ATXN7: variants seen among roughly 807,000 people sequenced by gnomAD.
ATXN7 encodes the protein ataxin 7.
Under a neutral mutation model 70.5 loss-of-function variants are expected in ATXN7, and 12 were observed. The observed-to-expected ratio is 0.17, with a 90% CI of 0.11 to 0.28. ATXN7 has a LOEUF of 0.28. Ranked by LOEUF, ATXN7 falls within the 10% of genes least tolerant of loss-of-function variation. The pLI is 1.00. For synonymous variants in ATXN7, 498 were observed against 448.7 expected (o/e 1.11, Z -1.39); for missense variants, 1,256 against 1,131.7 (o/e 1.11, Z -1.58).
At chr3:63,924,386 G>A (rs566282416) in intron 4 of ATXN7, among the ~76,000 whole-genome samples, 2 of 152,242 alleles carry the variant, frequency 1.3e-5, no homozygotes, top group East Asian at 3.9e-4. Flanking sequence ...GGGTCAGTCT[G>A]TATCCTCAAC....
chr3:63,957,293 C>T (rs1377737154), intron 5 of ATXN7, among the ~76,000 whole-genome samples: 1 of 152,220 alleles, frequency 6.6e-6, no homozygotes, highest in African/African-American at 2.4e-5. Context: ...AAACCCTACT[C>T]AGATGTTGGC....
chr3:63,884,229 ACACACACACACATACTCT>A (rs1559619561), intron 1 of ATXN7, among the ~76,000 whole-genome samples: 1 of 148,262 alleles, frequency 6.7e-6, no homozygotes, highest in African/African-American at 2.5e-5. Flanking sequence ...ACACACACAC[ACACACACACACATACTCT>A]CACACACACA....
At chr3:63,974,551 A>G (rs1388597323) in intron 5 of ATXN7, among the ~76,000 whole-genome samples, 7 of 152,234 alleles carry the variant, frequency 4.6e-5, no homozygotes, top group African/African-American at 1.7e-4. Context: ...TAACCATGTG[A>G]TGTTGGACAA....
chr3:63,885,611 A>G (rs914078764), intron 1 of ATXN7, among the ~76,000 whole-genome samples: 1 of 152,226 alleles, frequency 6.6e-6, no homozygotes, highest in African/African-American at 2.4e-5. Flanking sequence ...TCCAAAGGAA[A>G]TCAGTATGTC....
At chr3:63,946,642 CAAAA>C (rs1201416885) in intron 4 of ATXN7, among the ~76,000 whole-genome samples, 2 of 75,470 alleles carry the variant, frequency 2.7e-5, no homozygotes, top group African/African-American at 4.9e-5. Context: ...GACTCTGTCT[CAAAA>C]AAAAAAAAAA....
chr3:63,880,149 T>C (rs1285195321), intron 1 of ATXN7, among the ~76,000 whole-genome samples: 1 of 152,088 alleles, frequency 6.6e-6, no homozygotes, highest in African/African-American at 2.4e-5. Context: ...TCCATAACTT[T>C]ATTGAGTTTT....
rs2075748830 is a variant in ATXN7, at chr3:63,995,796, C to T, written c.1974C>T (p.Gly658=). ...CCTCATCCCCTTCCACGCCCTCTGG[C>T]CTTTCCTCGGTTCCTTCCTCCCCCA... The part of the protein sequence containing the change: ...SSSSSPSTPS[G]LSSVPSSPMS... The change falls in exon 12 of 13, where the codon GGC becomes GGT. Residue 658 remains glycine, a synonymous_variant. Transcript: ENST00000674280. 1 of 1,614,128 alleles carries T rather than the reference C, an allele frequency of 6.2e-7. No individual in the cohort carries two copies. Among genetic ancestry groups the T allele is most frequent in the African/African-American group, 1.3e-5 (1 of 74,952 alleles).
At chr3:63,944,184 C>G (rs2074819049) in intron 4 of ATXN7, among the ~76,000 whole-genome samples, 1 of 152,144 alleles carries the variant, frequency 6.6e-6, no homozygotes, top group African/African-American at 2.4e-5. Context: ...GGGATACTTT[C>G]CAAGATCCCC....
intron 1 of ATXN7, among the ~76,000 whole-genome samples, 91 bp downstream of exon 1, chr3:63,864,249 G>A (rs1159230502): frequency 4.0e-5 from 6 of 151,394 alleles, no homozygotes; most frequent in Admixed American, 3.3e-4. Context: ...TCCCCGGGAA[G>A]GTGACTGCGG....
Position 63,996,428 on chromosome 3 carries a change from A to T in ATXN7, c.2606A>T (p.His869Leu), listed in dbSNP as rs766688948. 1 of 1,614,056 alleles carries T rather than the reference A, an allele frequency of 6.2e-7. No individual in the cohort carries two copies. Among genetic ancestry groups the T allele is most frequent in the Non-Finnish European group, 8.5e-7 (1 of 1,180,036 alleles). Residue 869 changes from histidine (H) to leucine (L), a missense_variant, in exon 12 of 13, where the codon CAC becomes CTC. By Grantham distance (99) the His-to-Leu change is moderately conservative. Transcript: ENST00000674280. ...GCCGTGAACAATGTCCACATGAAAC[A>T]CACAGGCACCATCCCAGGGGCACAA... The part of the protein sequence containing the change: ...VPAVNNVHMK[H>L]TGTIPGAQGL...
chr3:63,881,092 C>T (rs1702893865), intron 1 of ATXN7, among the ~76,000 whole-genome samples: 1 of 152,126 alleles, frequency 6.6e-6, no homozygotes, highest in Non-Finnish European at 1.5e-5. Flanking sequence ...TTAGTATGTG[C>T]CAGACTGTGC....
At chr3:63,917,252 G>A (rs985997578) in intron 4 of ATXN7, among the ~76,000 whole-genome samples, 2 of 152,146 alleles carry the variant, frequency 1.3e-5, no homozygotes, top group Non-Finnish European at 2.9e-5. Flanking sequence ...GTCAACCCTG[G>A]TTGATGTTTT....
rs2075846205 is a variant in ATXN7, at chr3:64,002,679, T to C, written c.*3212T>C. 1 of 152,148 alleles carries C rather than the reference T, an allele frequency of 6.6e-6. No individual in the cohort carries two copies. The highest frequency in any genetic ancestry group is 6.5e-5 in the Admixed American group (1 of 15,278). 9.4% of individuals were successfully genotyped at this position (152,148 alleles called of 1,614,324 possible). ...TTGGAGTTTGCTTTTTCCACCTAAA[T>C]ATTGTTTCTAAAATTTTAGGGGCGG... On this transcript the variant is annotated 3_prime_UTR_variant, in exon 13 of 13. Transcript: ENST00000674280.
chr3:63,929,082 A>G (rs1159910249), intron 4 of ATXN7, among the ~76,000 whole-genome samples: 1 of 152,122 alleles, frequency 6.6e-6, no homozygotes, highest in Non-Finnish European at 1.5e-5. Context: ...GCAAATCCTA[A>G]TGGTTAGTTG....
chr3:63,918,638 C>G (rs1704383300), intron 4 of ATXN7, among the ~76,000 whole-genome samples: 1 of 152,104 alleles, frequency 6.6e-6, no homozygotes, highest in African/African-American at 2.4e-5. Context: ...CAACTTATTT[C>G]CTGCAAAATG....
intron 12 of ATXN7, chr3:63,997,911 ATGT>A (rs1454150827): frequency 8.1e-6 from 8 of 985,346 alleles, no homozygotes; most frequent in South Asian, 4.7e-5. Flanking sequence ...GGGTTATTAT[ATGT>A]TGTTTGGCAT....
intron 4 of ATXN7, among the ~76,000 whole-genome samples, chr3:63,913,974 CCTGCACTAGGCCTGGGCA>C (rs1704160487): frequency 3.3e-5 from 5 of 152,108 alleles, no homozygotes; most frequent in Admixed American, 6.5e-5. Flanking sequence ...TTGTCTAATA[CCTGCACTAGGCCTGGGCA>C]TACCGTGGTC....
chr3:63,899,216 C>T (rs1703538925), intron 2 of ATXN7, among the ~76,000 whole-genome samples: 1 of 152,064 alleles, frequency 6.6e-6, no homozygotes, highest in East Asian at 1.9e-4. Context: ...GTGTGCACCA[C>T]TACACCTGGC....
At chr3:63,932,032 T>C (rs764601300) in intron 4 of ATXN7, among the ~76,000 whole-genome samples, 5 of 152,154 alleles carry the variant, frequency 3.3e-5, no homozygotes, top group Admixed American at 6.6e-5. Context: ...AGAGAAAATA[T>C]ACCTTCCAAC....
Sources: allele counts gnomAD v4.1 joint callset (sites outside exome capture counted in the v4.1 genomes callset), GRCh38; gene constraint gnomAD v4.1.1; transcripts MANE v1.5; gene names NCBI Gene and HGNC (gene_info 2026-07-23, HGNC 2026-07-21).